The following CFAP61 variants were observed in gnomAD, a reference collection of about 807,000 sequenced individuals.
The protein encoded by CFAP61 is cilia and flagella associated protein 61.
CFAP61 carries 107 observed loss-of-function variants against 135.6 expected under a neutral mutation model. The observed-to-expected ratio is 0.79, with a 90% CI of 0.67 to 0.93. CFAP61 has a LOEUF of 0.93. Among genes scored for constraint, CFAP61 ranks in the 40% least tolerant of loss-of-function variants. The pLI, the probability that CFAP61 is intolerant of heterozygous loss-of-function variation, is 0.00. For synonymous variants in CFAP61, 575 were observed against 578.5 expected (o/e 0.99, Z 0.09); for missense variants, 1,507 against 1,556.2 (o/e 0.97, Z 0.53).
intron 12 of CFAP61, among the ~76,000 whole-genome samples, chr20:20,167,086 G>T (rs2053893905): frequency 6.6e-6 from 1 of 152,156 alleles, no homozygotes; most frequent in South Asian, 2.1e-4. Flanking sequence ...GGGACAAAAT[G>T]CATTTTTATA....
intron 25 of CFAP61, among the ~76,000 whole-genome samples, chr20:20,341,369 T>G (rs2058439156): frequency 6.6e-6 from 1 of 152,234 alleles, no homozygotes; most frequent in South Asian, 2.1e-4. Context: ...GATGCAACCG[T>G]GCGAACAGCA....
chr20:20,151,135 C>A (rs1272848295), intron 9 of CFAP61, among the ~76,000 whole-genome samples: 18 of 151,712 alleles, frequency 1.2e-4, no homozygotes, highest in Admixed American at 1.2e-3. Context: ...TGAAAACCAA[C>A]TTAAAGAAAT....
At chr20:20,146,981 T>C (rs906361238) in intron 9 of CFAP61, among the ~76,000 whole-genome samples, 2 of 152,246 alleles carry the variant, frequency 1.3e-5, no homozygotes, top group African/African-American at 4.8e-5. Context: ...CTCCCACTTA[T>C]GAATGAGAAC....
At chr20:20,099,233 C>G (rs1004695919) in intron 8 of CFAP61, among the ~76,000 whole-genome samples, 1 of 152,082 alleles carries the variant, frequency 6.6e-6, no homozygotes, top group Non-Finnish European at 1.5e-5. Context: ...TCCCAACTTT[C>G]AGTGCTTCTG....
chr20:20,064,499 A>G (rs1301265667), intron 2 of CFAP61, among the ~76,000 whole-genome samples: 1 of 152,122 alleles, frequency 6.6e-6, no homozygotes, highest in African/African-American at 2.4e-5. Context: ...CAGTTACCAG[A>G]TCTAATACTA....
intron 8 of CFAP61, among the ~76,000 whole-genome samples, chr20:20,127,215 C>T (rs1907704105): frequency 6.6e-6 from 1 of 151,694 alleles, no homozygotes; most frequent in Non-Finnish European, 1.5e-5. Flanking sequence ...AAATCTGTTT[C>T]AGGTAAATCA....
chr20:20,159,691 AATT>A, intron 10 of CFAP61, among the ~76,000 whole-genome samples: 1 of 152,246 alleles, frequency 6.6e-6, no homozygotes, highest in Non-Finnish European at 1.5e-5. Context: ...TTTCTACATA[AATT>A]ATTTGCAAAA....
chr20:20,135,773 A>G (rs950447712), intron 8 of CFAP61, among the ~76,000 whole-genome samples: 1 of 152,170 alleles, frequency 6.6e-6, no homozygotes, highest in African/African-American at 2.4e-5. Context: ...TAGTTTACAT[A>G]CCATAATTAC....
chr20:20,324,044 A>G (rs148977079), intron 25 of CFAP61, among the ~76,000 whole-genome samples: 172 of 152,268 alleles, frequency 1.1e-3, no homozygotes, highest in Middle Eastern at 3.4e-3. Flanking sequence ...CCTGCAATAA[A>G]CATTCTTGAT....
At position 20,132,701 on chromosome 20, in the gene CFAP61, T is replaced by G. The variant is rs376304262; in HGVS notation, c.860-10156T>G. 3.3e-4 allele frequency among the ~76,000 whole-genome samples: 51 copies of G among 152,258 alleles called. 1 individual carries two copies. Among genetic ancestry groups the G allele is most frequent in the East Asian group, 2.9e-3 (15 of 5,186 alleles). On this transcript the variant is annotated intron_variant, in intron 8 of 26. Coordinates refer to ENST00000245957, the MANE Select transcript of CFAP61 (RefSeq NM_015585.4). ...AAGTCTATGTTATTTAAGGCATAAT[T>G]TTTAAATTATTCTATCTTCCTTGAA...
chr20:20,083,131 T>C (rs2046546947), intron 6 of CFAP61, among the ~76,000 whole-genome samples: 1 of 152,226 alleles, frequency 6.6e-6, no homozygotes. Context: ...GGAAATGTGA[T>C]ATTCATACAC....
chr20:20,216,347 A>G (rs1351627552), intron 17 of CFAP61, among the ~76,000 whole-genome samples: 1 of 152,208 alleles, frequency 6.6e-6, no homozygotes, highest in African/African-American at 2.4e-5. Flanking sequence ...TTACAGTGCA[A>G]TATGCTTGCC....
chr20:20,087,381 T>C lies in CFAP61; in HGVS notation c.567-3463T>C, dbSNP rs530503521. Among the ~76,000 whole-genome samples, 12 of 152,316 alleles carry C rather than the reference T, an allele frequency of 7.9e-5. No individual in the cohort carries two copies. In the South Asian group the frequency reaches 2.3e-3, roughly 29 times the overall value. On this transcript the variant is annotated intron_variant, in intron 6 of 26. Coordinates refer to ENST00000245957, the MANE Select transcript of CFAP61 (RefSeq NM_015585.4). ...TAGCTCCTACTTATAAGTGAAAACA[T>C]GCAGTATTTGTTTTTTTGTTCCTGC...
chr20:20,153,933 C>T (rs2052661608), intron 9 of CFAP61, among the ~76,000 whole-genome samples: 2 of 152,068 alleles, frequency 1.3e-5, no homozygotes, highest in South Asian at 4.2e-4. Flanking sequence ...ACTAATAATC[C>T]TGATGAACAT....
chr20:20,307,135 A>G (rs1001014617), intron 25 of CFAP61, among the ~76,000 whole-genome samples: 8 of 152,160 alleles, frequency 5.3e-5, no homozygotes, highest in Admixed American at 4.6e-4. Flanking sequence ...CACACTTGGT[A>G]TATATCCTAA....
intron 25 of CFAP61, among the ~76,000 whole-genome samples, chr20:20,314,391 CAA>C (rs528868861): frequency 1.9e-4 from 11 of 58,888 alleles, no homozygotes; most frequent in African/African-American, 2.5e-4. Flanking sequence ...GACCCCATCT[CAA>C]AAAAAAAAAA....
chr20:20,250,232 T>C (rs1198121539), intron 19 of CFAP61, among the ~76,000 whole-genome samples: 3 of 152,162 alleles, frequency 2.0e-5, no homozygotes, highest in Non-Finnish European at 4.4e-5. Flanking sequence ...CAGGGTTCTG[T>C]CTCATTAATA....
At chr20:20,289,233 T>A (rs2054823863) in intron 23 of CFAP61, among the ~76,000 whole-genome samples, 1 of 152,230 alleles carries the variant, frequency 6.6e-6, no homozygotes, top group Non-Finnish European at 1.5e-5. Context: ...TGTCTGGATG[T>A]CTCACAGCTG....
At chr20:20,095,348 A>C (rs1014418010) in intron 7 of CFAP61, among the ~76,000 whole-genome samples, 15 of 152,198 alleles carry the variant, frequency 9.9e-5, no homozygotes, top group Non-Finnish European at 1.9e-4. Flanking sequence ...ACTTTAAGGC[A>C]ACCACTGTCA....
Sources: allele counts gnomAD v4.1 joint callset (sites outside exome capture counted in the v4.1 genomes callset), GRCh38; gene constraint gnomAD v4.1.1; transcripts MANE v1.5; gene names NCBI Gene and HGNC (gene_info 2026-07-23, HGNC 2026-07-21).